KCND2: variants seen among roughly 807,000 people sequenced by gnomAD.
KCND2 encodes the protein A-type voltage-gated potassium channel KCND2.
In KCND2, 16 loss-of-function variants were observed where a neutral mutation model predicts 54.4. That is an observed-to-expected ratio of 0.29 (90% CI 0.20 to 0.45). KCND2 has a LOEUF of 0.45. KCND2 is among the 20% of genes least tolerant of loss of function. The pLI, the probability that KCND2 is intolerant of heterozygous loss-of-function variation, is 1.00. For missense variants in KCND2, 486 were observed against 824.2 expected (o/e 0.59, Z 5.02); for synonymous variants, 317 against 310.7 (o/e 1.02, Z -0.21).
chr7:120,555,689 C>T (rs1792155489), intron 1 of KCND2, among the ~76,000 whole-genome samples: 1 of 152,114 alleles, frequency 6.6e-6, no homozygotes, highest in Non-Finnish European at 1.5e-5. Context: ...AATAGGTACA[C>T]AGTGTAAATC....
rs1025805290 is a variant in KCND2 at position 120,273,309 on chromosome 7, T to C, written c.-1324T>C. Among the ~76,000 whole-genome samples the C allele has an allele frequency of 6.6e-6, 1 of 150,738 alleles. No homozygotes were observed. Among genetic ancestry groups the C allele is most frequent in the Non-Finnish European group, 1.5e-5 (1 of 67,410 alleles). On this transcript the variant is annotated 5_prime_UTR_variant, in exon 1 of 6. Transcript: ENST00000331113. ...CTGGCGGGGAAGCAGCTAGCAGCCCTCCCGCGCCCCCGCGCTGCCGAGCGC... is the reference window on the plus strand; with the variant it reads ...CTGGCGGGGAAGCAGCTAGCAGCCCCCCCGCGCCCCCGCGCTGCCGAGCGC...
At chr7:120,330,576 T>C (rs1266172544) in intron 1 of KCND2, among the ~76,000 whole-genome samples, 1 of 85,612 alleles carries the variant, frequency 1.2e-5, no homozygotes. Flanking sequence ...AGCAAAACTC[T>C]GTCTCAAAAA....
chr7:120,422,808 A>C (rs1396712765), intron 1 of KCND2, among the ~76,000 whole-genome samples: 1 of 152,202 alleles, frequency 6.6e-6, no homozygotes, highest in African/African-American at 2.4e-5. Context: ...TGTACCCATT[A>C]AAACACTGCA....
At chr7:120,704,164 C>A (rs2189977) in intron 1 of KCND2, among the ~76,000 whole-genome samples, 55,086 of 152,026 alleles carry the variant, frequency 0.36, 10,927 homozygotes, top group African/African-American at 0.51. Flanking sequence ...CAGATAAAGA[C>A]TATTACCTTT....
intron 1 of KCND2, among the ~76,000 whole-genome samples, chr7:120,561,442 A>G (rs977565429): frequency 1.4e-4 from 22 of 152,128 alleles, no homozygotes; most frequent in Non-Finnish European, 2.2e-4. Context: ...CTAATCCTCA[A>G]ACCAATCCTA....
intron 1 of KCND2, among the ~76,000 whole-genome samples, chr7:120,598,684 A>T (rs1792778037): frequency 6.6e-6 from 1 of 152,098 alleles, no homozygotes; most frequent in Non-Finnish European, 1.5e-5. Context: ...TTCTGTTTTT[A>T]TGGTGAATAA....
At chr7:120,718,868 C>A (rs1223160534) in intron 1 of KCND2, among the ~76,000 whole-genome samples, 1 of 152,052 alleles carries the variant, frequency 6.6e-6, no homozygotes, top group Non-Finnish European at 1.5e-5. Flanking sequence ...TAAACAATAA[C>A]CTTGGTTGTC....
At chr7:120,503,535 AT>A (rs796898223) in intron 1 of KCND2, among the ~76,000 whole-genome samples, 66 of 151,552 alleles carry the variant, frequency 4.4e-4, no homozygotes, top group African/African-American at 1.3e-3. Context: ...CCTTTGCAAC[AT>A]CCTCCCTCAT....
intron 1 of KCND2, among the ~76,000 whole-genome samples, chr7:120,716,708 C>T (rs890050273): frequency 2.0e-5 from 3 of 152,124 alleles, no homozygotes; most frequent in African/African-American, 4.8e-5. Context: ...CTTTTCCCTT[C>T]TTTAAATGTG....
intron 2 of KCND2, among the ~76,000 whole-genome samples, chr7:120,740,185 G>A (rs904268614): frequency 6.6e-6 from 1 of 151,964 alleles, no homozygotes; most frequent in Non-Finnish European, 1.5e-5. Flanking sequence ...TTTCTCACAG[G>A]ATTCTCTAGA....
chr7:120,733,047 C>G lies in KCND2; in HGVS notation c.1260C>G (p.Asp420Glu), dbSNP rs1276776509. The G allele has an allele frequency of 6.2e-7, 1 of 1,613,372 alleles. No individual in the cohort carries two copies. Among genetic ancestry groups the G allele is most frequent in the African/African-American group, 1.3e-5 (1 of 74,858 alleles). ...TCTACCACCAGAATCAACGAGCAGA[C>G]AAACGAAGGGCACAAAAGGTGCGTA... ...SRIYHQNQRA[D>E]KRRAQKKARL... is the part of the protein sequence containing the mutation. Residue 420 changes from aspartate to glutamate, a missense_variant, in exon 2 of 6, where the codon GAC becomes GAG. By Grantham distance (45) the Asp-to-Glu change is conservative. Around this residue, in one of 7 missense-constraint regions of KCND2, gnomAD observed 11 missense variants for 21.4 expected, o/e 0.51. Coordinates refer to ENST00000331113, the MANE Select transcript of KCND2 (RefSeq NM_012281.3).
At chr7:120,718,126 A>G (rs1220709781) in intron 1 of KCND2, among the ~76,000 whole-genome samples, 1 of 152,160 alleles carries the variant, frequency 6.6e-6, no homozygotes, top group Non-Finnish European at 1.5e-5. Context: ...GCTAATAGTC[A>G]GAGATGCCTC....
In KCND2 at chr7:120,741,460, A is replaced by T. The variant is rs1005540133; in HGVS notation, c.1279-74A>T. ...AAATATGTAGGCTGACAATAGGATT[A>T]TACAAGGGTTCATTCACTGTTTTAA... On this transcript the variant is annotated intron_variant, in intron 2 of 5. Coordinates refer to ENST00000331113, the MANE Select transcript of KCND2 (RefSeq NM_012281.3). 5.9e-5 allele frequency: 59 copies of T among 995,010 alleles called. No individual in the cohort carries two copies. In the Admixed American group the frequency reaches 1.0e-3, roughly 17 times the overall value. The allele number at this position is 995,010 out of a possible 1,614,324, so 61.6% of individuals were successfully genotyped here.
At chr7:120,297,226 G>T (rs1799525062) in intron 1 of KCND2, among the ~76,000 whole-genome samples, 1 of 151,978 alleles carries the variant, frequency 6.6e-6, no homozygotes, top group Admixed American at 6.6e-5. Context: ...CAATGAGATA[G>T]ACATCTCTAA....
chr7:120,349,720 T>A (rs1800374650), intron 1 of KCND2, among the ~76,000 whole-genome samples: 1 of 152,202 alleles, frequency 6.6e-6, no homozygotes. Flanking sequence ...AGTCCAGATA[T>A]CTTTTATGTG....
At chr7:120,610,329 G>C (rs762617754) in intron 1 of KCND2, among the ~76,000 whole-genome samples, 1 of 152,062 alleles carries the variant, frequency 6.6e-6, no homozygotes, top group Admixed American at 6.6e-5. Flanking sequence ...TGAAATGATC[G>C]TTGAAACATT....
chr7:120,729,565 A>G (rs1189305874), intron 1 of KCND2, among the ~76,000 whole-genome samples: 1 of 152,164 alleles, frequency 6.6e-6, no homozygotes, highest in African/African-American at 2.4e-5. Context: ...TTCTCTTACC[A>G]TCTCCTCTGC....
At chr7:120,600,694 A>G (rs1792802933) in intron 1 of KCND2, among the ~76,000 whole-genome samples, 2 of 152,058 alleles carry the variant, frequency 1.3e-5, no homozygotes, top group Non-Finnish European at 2.9e-5. Context: ...GCCTTTATTT[A>G]TTAGAGATTT....
chr7:120,431,135 T>C (rs945708986), intron 1 of KCND2, among the ~76,000 whole-genome samples: 1 of 152,210 alleles, frequency 6.6e-6, no homozygotes, highest in African/African-American at 2.4e-5. Flanking sequence ...CTGAAGATGA[T>C]TCATCAATGT....
Sources: gnomAD v4.1 joint callset for allele counts (sites outside exome capture counted in the v4.1 genomes callset) on GRCh38, gnomAD v4.1.1 for gene constraint, gnomAD v4.1.1 regional missense constraint, MANE v1.5 for transcripts, NCBI Gene and HGNC (gene_info 2026-07-23, HGNC 2026-07-21) for gene names.